Variants in CMTM8 observed in about 807,000 individuals in gnomAD.
CMTM8 encodes the protein CKLF like MARVEL transmembrane domain containing 8.
A neutral mutation model predicts 18.6 loss-of-function variants in CMTM8; 12 were observed. The ratio of observed to expected loss-of-function variants is 0.65; its 90% CI spans 0.41 to 1.05. The LOEUF (loss-of-function observed/expected upper bound fraction) is 1.05. CMTM8 is among the 50% of genes least tolerant of loss of function. CMTM8 has a pLI of 0.00. For synonymous variants in CMTM8, 87 were observed against 90.6 expected (o/e 0.96, Z 0.23); for missense variants, 217 against 227.2 (o/e 0.95, Z 0.29).
At chr3:32,307,517 C>G (rs527902641) in intron 1 of CMTM8, among the ~76,000 whole-genome samples, 1 of 152,122 alleles carries the variant, frequency 6.6e-6, no homozygotes, top group African/African-American at 2.4e-5. Flanking sequence ...TAAGTAAGTC[C>G]TTTTTGGGCA....
chr3:32,259,355 G>T lies in CMTM8; in HGVS notation c.147+20236G>T, dbSNP rs7615626. 449 of 749,720 alleles carry T rather than the reference G, an allele frequency of 6.0e-4. 8 individuals carry two copies. Among genetic ancestry groups the T allele is most frequent in the South Asian group, 5.5e-3 (408 of 74,180 alleles). 46.4% of individuals were successfully genotyped at this position (749,720 alleles called of 1,614,324 possible). On this transcript the variant is annotated intron_variant, in intron 1 of 3. Coordinates refer to ENST00000307526, the MANE Select transcript of CMTM8 (RefSeq NM_178868.5). ...GACCATCAAAGACCTGAGGGCTCAG[G>T]TCTTCTCAAATACTGTGGACAATGC...
chr3:32,357,035 G>A (rs1181855981), intron 1 of CMTM8, among the ~76,000 whole-genome samples: 1 of 152,114 alleles, frequency 6.6e-6, no homozygotes, highest in South Asian at 2.1e-4. Flanking sequence ...TGCAAACCCT[G>A]TAATATTTTT....
At chr3:32,345,868 A>C (rs1696585749) in intron 1 of CMTM8, among the ~76,000 whole-genome samples, 1 of 152,208 alleles carries the variant, frequency 6.6e-6, no homozygotes, top group Non-Finnish European at 1.5e-5. Flanking sequence ...AAAATTCTAG[A>C]AATCAGGCAG....
intron 1 of CMTM8, among the ~76,000 whole-genome samples, chr3:32,329,924 A>C (rs1177942265): frequency 1.5e-4 from 23 of 152,210 alleles, no homozygotes; most frequent in Non-Finnish European, 1.2e-4. Flanking sequence ...TCAACACACA[A>C]AAAAATCAGT....
At chr3:32,323,879 A>G (rs1696107129) in intron 1 of CMTM8, among the ~76,000 whole-genome samples, 1 of 152,214 alleles carries the variant, frequency 6.6e-6, no homozygotes, top group African/African-American at 2.4e-5. Flanking sequence ...GATACTTAGG[A>G]CGCCCATGCT....
Position 32,370,009 on chromosome 3 carries a change from C to T in CMTM8, c.*42C>T. On this transcript the variant is annotated 3_prime_UTR_variant, in exon 4 of 4. Transcript: ENST00000307526. ...TTAAAAGGAAAAAAAAAGGAAGACT[C>T]TCACTGTAAAAACAGCTGTAGGTAT... The T allele has an allele frequency of 1.6e-6, 2 of 1,231,646 alleles. No homozygotes were observed. Among genetic ancestry groups the T allele is most frequent in the Non-Finnish European group, 1.2e-6 (1 of 857,280 alleles). 76.3% of individuals were successfully genotyped at this position (1,231,646 alleles called of 1,614,324 possible). A position where few individuals can be genotyped will look rare whatever the true frequency, so the allele number is the denominator to read the frequency against.
chr3:32,341,360 A>G (rs1400739593), intron 1 of CMTM8, among the ~76,000 whole-genome samples: 1 of 152,222 alleles, frequency 6.6e-6, no homozygotes, highest in Non-Finnish European at 1.5e-5. Flanking sequence ...GGCAGGAGCC[A>G]GCTTCTCTGT....
intron 1 of CMTM8, among the ~76,000 whole-genome samples, chr3:32,270,635 C>T (rs1702424146): frequency 6.6e-6 from 1 of 152,156 alleles, no homozygotes; most frequent in Non-Finnish European, 1.5e-5. Flanking sequence ...AAACCAAACA[C>T]CACATGTTCT....
chr3:32,340,175 A>G (rs1443352204), intron 1 of CMTM8, among the ~76,000 whole-genome samples: 1 of 152,184 alleles, frequency 6.6e-6, no homozygotes, highest in African/African-American at 2.4e-5. Flanking sequence ...ACCTCTGTGC[A>G]AGGCGTTGTA....
intron 1 of CMTM8, among the ~76,000 whole-genome samples, chr3:32,334,301 A>C (rs1025776547): frequency 1.3e-5 from 2 of 151,516 alleles, no homozygotes; most frequent in African/African-American, 4.8e-5. Flanking sequence ...GTAAACCTAA[A>C]ACTGCTCTAA....
At chr3:32,281,949 A>G (rs1363404617) in intron 1 of CMTM8, among the ~76,000 whole-genome samples, 1 of 152,084 alleles carries the variant, frequency 6.6e-6, no homozygotes, top group African/African-American at 2.4e-5. Flanking sequence ...CCCAACTGTA[A>G]ATACAAGAGT....
rs146488129 is a variant in CMTM8, at chr3:32,357,390, A to T, written c.165A>T (p.Val55=). The change falls in exon 2 of 4, where the codon GTA becomes GTT. Residue 55 remains valine (V), a synonymous_variant. Coordinates refer to ENST00000307526, the MANE Select transcript of CMTM8 (RefSeq NM_178868.5). ...CTTTACAGGTTCTGGGGCTGCTGGT[A>T]TGGACGCTTATTGCTGGAACTGAGT... ...IVAEIVLGLL[V]WTLIAGTEYF... 2.5e-6 allele frequency: 4 copies of T among 1,613,282 alleles called. No homozygotes were observed. The highest frequency in any genetic ancestry group is 3.4e-6 in the Non-Finnish European group (4 of 1,179,898).
chr3:32,259,032 G>C (rs1463124613), intron 1 of CMTM8: 4 of 363,382 alleles, frequency 1.1e-5, no homozygotes, highest in Non-Finnish European at 2.1e-5. Flanking sequence ...CCAGTCAGCA[G>C]TGCAGCAAGC....
At chr3:32,328,712 A>G (rs1696215244) in intron 1 of CMTM8, among the ~76,000 whole-genome samples, 2 of 152,188 alleles carry the variant, frequency 1.3e-5, no homozygotes, top group Admixed American at 1.3e-4. Flanking sequence ...ACTATGAACA[A>G]TTATATGCCA....
In CMTM8 at chr3:32,358,124, G is replaced by A. The variant is rs1211342958; in HGVS notation, c.321+578G>A. Among the ~76,000 whole-genome samples, 1 of 152,142 alleles carries A rather than the reference G, an allele frequency of 6.6e-6. No homozygotes were observed. The highest frequency in any genetic ancestry group is 2.4e-5 in the African/African-American group (1 of 41,416). ...GCTGGATGCAGGATGGTGAACATGT[G>A]GTCCAGGGTAAATAGATAAGAAAAT... On this transcript the variant is annotated intron_variant, in intron 2 of 3. Coordinates refer to ENST00000307526, the MANE Select transcript of CMTM8 (RefSeq NM_178868.5). The surrounding 1 kb of genome is among the most constrained non-coding windows in gnomAD (Gnocchi z 4.1).
chr3:32,365,741 C>T (rs1432870783), intron 2 of CMTM8, among the ~76,000 whole-genome samples: 1 of 152,154 alleles, frequency 6.6e-6, no homozygotes, highest in Non-Finnish European at 1.5e-5. Flanking sequence ...GCCACTGCAC[C>T]CAGCGGAATT....
chr3:32,311,397 A>C (rs1164590466), intron 1 of CMTM8, among the ~76,000 whole-genome samples: 1 of 152,220 alleles, frequency 6.6e-6, no homozygotes, highest in East Asian at 1.9e-4. Flanking sequence ...CAAAGCTTAA[A>C]ATATTTGCCA....
At chr3:32,288,090 T>C (rs1702715558) in intron 1 of CMTM8, among the ~76,000 whole-genome samples, 1 of 152,212 alleles carries the variant, frequency 6.6e-6, no homozygotes, top group Non-Finnish European at 1.5e-5. Context: ...AGATATCAAA[T>C]AGGTAGACCT....
intron 1 of CMTM8, among the ~76,000 whole-genome samples, chr3:32,330,468 A>C (rs1696252538): frequency 6.6e-6 from 1 of 152,114 alleles, no homozygotes; most frequent in South Asian, 2.1e-4. Context: ...GGGCAACATA[A>C]TAAGGCCCTT....
Sources: allele counts gnomAD v4.1 joint callset (sites outside exome capture counted in the v4.1 genomes callset), GRCh38; gene constraint gnomAD v4.1.1; non-coding constraint Gnocchi (gnomAD v3.1); transcripts MANE v1.5; gene names NCBI Gene and HGNC (gene_info 2026-07-23, HGNC 2026-07-21).